CDC14B: variants seen among roughly 807,000 people sequenced by gnomAD.
CDC14B encodes cell division cycle 14B.
A neutral mutation model predicts 64.2 loss-of-function variants in CDC14B; 22 were observed. That is an observed-to-expected ratio of 0.34 (90% confidence interval 0.24 to 0.49). CDC14B has a LOEUF of 0.49. Ranked by LOEUF, CDC14B falls within the 20% of genes least tolerant of loss-of-function variation. The pLI, the probability that CDC14B is intolerant of heterozygous loss-of-function variation, is 0.99. For synonymous variants in CDC14B, 191 were observed against 215.8 expected (o/e 0.89, Z 1.01); for missense variants, 498 against 629.9 (o/e 0.79, Z 2.24).
At chr9:96,492,869 C>G (rs1193777450) in exon 14 of CDC14B, 3 of 152,312 alleles carry the variant, frequency 2.0e-5, no homozygotes, top group Admixed American at 2.0e-4. Flanking sequence ...GCTGGACACA[C>G]TGCTGCCGGC....
chr9:96,551,758 C>CT, intron 5 of CDC14B, 38 bp downstream of exon 5: 1 of 1,594,276 alleles, frequency 6.3e-7, no homozygotes, highest in Non-Finnish European at 8.5e-7. Flanking sequence ...TGGCAAGGAT[C>CT]TGATTACCTG....
chr9:96,583,863 C>T (rs1845318246), intron 1 of CDC14B, among the ~76,000 whole-genome samples: 1 of 152,216 alleles, frequency 6.6e-6, no homozygotes, highest in Admixed American at 6.5e-5. Context: ...GGACTACAGG[C>T]GTCTACCACC....
chr9:96,554,177 A>C (rs963682039), intron 4 of CDC14B, among the ~76,000 whole-genome samples: 8 of 152,136 alleles, frequency 5.3e-5, no homozygotes, highest in Non-Finnish European at 1.0e-4. Flanking sequence ...AGGCAAAAAC[A>C]AAAAAACAAA....
chr9:96,535,910 T>C (rs1839204574), intron 7 of CDC14B, among the ~76,000 whole-genome samples: 1 of 152,120 alleles, frequency 6.6e-6, no homozygotes, highest in South Asian at 2.1e-4. Flanking sequence ...CCTCTCTCTT[T>C]AAATAAAAAG....
chr9:96,540,883 CCA>C (rs949353300), intron 6 of CDC14B, among the ~76,000 whole-genome samples: 3 of 152,166 alleles, frequency 2.0e-5, no homozygotes, highest in African/African-American at 7.2e-5. Flanking sequence ...GCTCCATATC[CCA>C]CAGTCACTGG....
At position 96,596,381 on chromosome 9, in the gene CDC14B, C is replaced by A. The variant is rs1257467146; in HGVS notation, c.160+22838G>T. On this transcript the variant is annotated intron_variant, in intron 1 of 13. Transcript: ENST00000375241. ...CTCCATCTCAAAAAAAAAAAAAAAA[C>A]ACACAAAAAGACATGAAAGATATAA... Among the ~76,000 whole-genome samples, 124 of 128,410 alleles carry A rather than the reference C, an allele frequency of 9.7e-4. 1 individual carries two copies. In the East Asian group the frequency reaches 0.016, roughly 16 times the overall value. The allele number at this position is 128,410 out of a possible 152,430, so 84.2% of individuals were successfully genotyped here. A position where few individuals can be genotyped will look rare whatever the true frequency, so the allele number is the denominator to read the frequency against.
At position 96,503,165 on chromosome 9, in the gene CDC14B, TCA is replaced by T. The variant is rs1431834626; in HGVS notation, c.*586_*587del. 6 of 328,930 alleles carry T rather than the reference TCA, an allele frequency of 1.8e-5. No homozygotes were observed. Among genetic ancestry groups the T allele is most frequent in the Non-Finnish European group, 2.7e-5 (5 of 182,790 alleles). 20.4% of individuals were successfully genotyped at this position (328,930 alleles called of 1,614,324 possible). ...ATGCAACAGTGTTTAAATGTGATTT[TCA>T]CAGATTCTTGTTAATAAAGCACTCT... is the stretch of plus-strand genomic sequence containing the variant. On this transcript the variant is annotated 3_prime_UTR_variant, in exon 14 of 14. Coordinates refer to ENST00000375241, the MANE Select transcript of CDC14B (RefSeq NM_033331.4).
At position 96,601,976 on chromosome 9, in the gene CDC14B, G is replaced by A. The variant is rs994720274; in HGVS notation, c.160+17243C>T. 9.5e-5 allele frequency among the ~76,000 whole-genome samples: 14 copies of A among 146,954 alleles called. 1 individual carries two copies. Among genetic ancestry groups the A allele is most frequent in the East Asian group, 8.3e-4 (4 of 4,808 alleles). Reference sequence around the variant, plus strand: ...CAGGAGGCTGAGGCAGGAGAATGGCGTGAACCCAGGAGGCGGAGCTTTCAG... The same window carrying A: ...CAGGAGGCTGAGGCAGGAGAATGGCATGAACCCAGGAGGCGGAGCTTTCAG... On this transcript the variant is annotated intron_variant, in intron 1 of 13. Coordinates refer to ENST00000375241, the MANE Select transcript of CDC14B (RefSeq NM_033331.4).
Position 96,509,758 on chromosome 9 carries a change from T to C in CDC14B, c.1375A>G (p.Lys459Glu), listed in dbSNP as rs1211546192. The C allele has an allele frequency of 1.2e-6, 2 of 1,610,618 alleles. No homozygotes were observed. Among genetic ancestry groups the C allele is most frequent in the Non-Finnish European group, 1.7e-6 (2 of 1,176,898 alleles). The change falls in exon 13 of 14, where the codon AAA (lysine) becomes GAA (glutamate). Residue 459 changes from lysine (K) to glutamate (E), a missense_variant. Coordinates refer to ENST00000375241, the MANE Select transcript of CDC14B (RefSeq NM_033331.4). ...CCAGAAATGTTAGGTTCAGATGTTT[T>C]ACAGCTCTGAACACTGGATTGAAGA... ...VILQSSVQSCKTSEPNISGSA... is the reference protein window; with the variant it reads ...VILQSSVQSCETSEPNISGSA...
At chr9:96,543,180 C>A (rs576261009) in intron 5 of CDC14B, among the ~76,000 whole-genome samples, 7 of 151,970 alleles carry the variant, frequency 4.6e-5, no homozygotes, top group Middle Eastern at 6.9e-3. Flanking sequence ...ACTAAAAATA[C>A]GAAAAATGAG....
At chr9:96,560,618 C>G (rs1843025837) in intron 4 of CDC14B, among the ~76,000 whole-genome samples, 1 of 123,390 alleles carries the variant, frequency 8.1e-6, no homozygotes, top group Non-Finnish European at 1.6e-5. Context: ...GGGTCTCATT[C>G]TGTTGCCCAG....
At chr9:96,549,549 T>G (rs192812954) in intron 5 of CDC14B, among the ~76,000 whole-genome samples, 9 of 151,832 alleles carry the variant, frequency 5.9e-5, no homozygotes, top group Middle Eastern at 3.4e-3. Context: ...CCTGTAGTCC[T>G]AGCTACTCGG....
intron 5 of CDC14B, among the ~76,000 whole-genome samples, chr9:96,550,378 A>G (rs1214712907): frequency 6.6e-6 from 1 of 152,218 alleles, no homozygotes; most frequent in African/African-American, 2.4e-5. Flanking sequence ...ACAAATTGTT[A>G]TTTCATGGAG....
intron 4 of CDC14B, among the ~76,000 whole-genome samples, chr9:96,560,839 G>A (rs1424473121): frequency 1.3e-5 from 2 of 150,508 alleles, no homozygotes; most frequent in Non-Finnish European, 2.9e-5. Flanking sequence ...ACACCAATAC[G>A]TCTGGGAAAG....
chr9:96,508,118 C>T lies in CDC14B; in HGVS notation c.1460+1555G>A, dbSNP rs1469600176. 4.6e-5 allele frequency among the ~76,000 whole-genome samples: 7 copies of T among 151,588 alleles called. No individual in the cohort carries two copies. The South Asian group carries it at 6.3e-4, about 14-fold the overall frequency. On this transcript the variant is annotated intron_variant, in intron 13 of 13. Transcript: ENST00000375241. ...GAAACCTCCGCCTCCCATGTTTAAG[C>T]GATTCTCCTGCCTCAGCCTCCCGAG...
At chr9:96,600,076 A>G (rs551591965) in intron 1 of CDC14B, among the ~76,000 whole-genome samples, 42 of 152,144 alleles carry the variant, frequency 2.8e-4, no homozygotes, top group Admixed American at 1.6e-3. Context: ...TTATTCCAAA[A>G]TAAAAAGGGT....
At chr9:96,593,486 CAAA>C (rs1216525397) in intron 1 of CDC14B, among the ~76,000 whole-genome samples, 7 of 52,558 alleles carry the variant, frequency 1.3e-4, no homozygotes, top group Admixed American at 2.1e-4. Flanking sequence ...GACTTGGTCT[CAAA>C]AAAAAAAAAA....
chr9:96,523,558 G>A (rs779668423), intron 10 of CDC14B, 29 bp downstream of exon 10: 2 of 1,613,536 alleles, frequency 1.2e-6, no homozygotes, highest in Non-Finnish European at 1.7e-6. Flanking sequence ...CATGTTCCCT[G>A]GGAACTACAG....
Position 96,619,289 on chromosome 9 carries a change from C to A in CDC14B, c.90G>T (p.Lys30Asn), listed in dbSNP as rs146314150. Residue 30 changes from lysine to asparagine, a missense_variant, in exon 1 of 14, where the codon AAG becomes AAT. By Grantham distance (94) the Lys-to-Asn change is moderately conservative. Transcript: ENST00000375241. Reference protein sequence around the residue: ...RCSSTSPGVKKIRSSTQQDPR... With the variant: ...RCSSTSPGVKNIRSSTQQDPR... ...GGTCTTGCTGCGTGGAGCTGCGGAT[C>A]TTCTTCACACCCGGCGAGGTCGACG... The A allele has an allele frequency of 3.7e-6, 5 of 1,344,956 alleles. No individual in the cohort carries two copies. The highest frequency in any genetic ancestry group is 3.0e-5 in the African/African-American group (2 of 66,386). The allele number at this position is 1,344,956 out of a possible 1,614,324, so 83.3% of individuals were successfully genotyped here. A position where few individuals can be genotyped will look rare whatever the true frequency, so the allele number is the denominator to read the frequency against.
Sources: allele counts gnomAD v4.1 joint callset (sites outside exome capture counted in the v4.1 genomes callset), GRCh38; gene constraint gnomAD v4.1.1; transcripts MANE v1.5; gene names NCBI Gene and HGNC (gene_info 2026-07-23, HGNC 2026-07-21).